ZBTB7C: variants seen among roughly 807,000 people sequenced by gnomAD.
ZBTB7C encodes zinc finger and BTB domain-containing protein 7C.
ZBTB7C carries 8 observed loss-of-function variants against 25.7 expected under a neutral mutation model. That is an observed-to-expected ratio of 0.31 (90% CI 0.18 to 0.56). The LOEUF (loss-of-function observed/expected upper bound fraction) is 0.56. Among genes scored for constraint, ZBTB7C ranks in the 20% least tolerant of loss-of-function variants. The probability of loss-of-function intolerance (pLI) is 0.91; values close to 1 mark genes in which losing one functional copy is unlikely to be tolerated. For missense variants in ZBTB7C, 824 were observed against 855.2 expected (o/e 0.96, Z 0.46); for synonymous variants, 394 against 369.0 (o/e 1.07, Z -0.78).
At chr18:48,283,093 T>C (rs987982474) in intron 2 of ZBTB7C, among the ~76,000 whole-genome samples, 1 of 152,170 alleles carries the variant, frequency 6.6e-6, no homozygotes, top group African/African-American at 2.4e-5. Context: ...GGAATGCAAA[T>C]TAGTAAAGCT....
At chr18:48,336,641 T>G (rs1230686127) in intron 2 of ZBTB7C, among the ~76,000 whole-genome samples, 1 of 152,178 alleles carries the variant, frequency 6.6e-6, no homozygotes, top group African/African-American at 2.4e-5. Flanking sequence ...GAAGAGCGCT[T>G]GACAGACCCA....
chr18:48,232,327 G>A (rs75364447), intron 2 of ZBTB7C, among the ~76,000 whole-genome samples: 2,831 of 152,304 alleles, frequency 0.019, 39 homozygotes, highest in Middle Eastern at 0.078. Context: ...CCTTAAGAGA[G>A]AGCCCAGCTA....
intron 1 of ZBTB7C, among the ~76,000 whole-genome samples, chr18:48,366,676 C>A (rs1215044757): frequency 1.3e-5 from 2 of 152,164 alleles, no homozygotes; most frequent in Non-Finnish European, 2.9e-5. Context: ...AACATAAATG[C>A]ATTTTCAACA....
chr18:48,032,422 GTTTTTTTTT>G (rs71165309), intron 4 of ZBTB7C, among the ~76,000 whole-genome samples: 19 of 65,056 alleles, frequency 2.9e-4, no homozygotes, highest in South Asian at 6.7e-4. Context: ...GACAAGGTAG[GTTTTTTTTT>G]TTTTTTTTTT....
At chr18:48,157,623 G>T (rs143864535) in intron 3 of ZBTB7C, among the ~76,000 whole-genome samples, 1 of 152,172 alleles carries the variant, frequency 6.6e-6, no homozygotes, top group South Asian at 2.1e-4. Context: ...TAACAGCAGG[G>T]ACTCGAAGGC....
intron 3 of ZBTB7C, among the ~76,000 whole-genome samples, chr18:48,177,469 CCT>C (rs1250926761): frequency 2.6e-5 from 4 of 152,206 alleles, no homozygotes; most frequent in Non-Finnish European, 5.9e-5. Context: ...CCCCATCTCT[CCT>C]CTTCCAGGGA....
chr18:48,194,915 G>C (rs1356415762), intron 2 of ZBTB7C, among the ~76,000 whole-genome samples: 1 of 152,118 alleles, frequency 6.6e-6, no homozygotes, highest in Non-Finnish European at 1.5e-5. Context: ...GGCTCAGGCT[G>C]AAGTCATCCC....
At chr18:48,084,482 G>T (rs1212205222) in intron 3 of ZBTB7C, among the ~76,000 whole-genome samples, 2 of 152,160 alleles carry the variant, frequency 1.3e-5, no homozygotes, top group Non-Finnish European at 2.9e-5. Context: ...CAGCTCCTCT[G>T]CTCCTCTGAC....
intron 4 of ZBTB7C, among the ~76,000 whole-genome samples, chr18:48,034,318 A>G (rs918658946): frequency 5.3e-5 from 8 of 152,148 alleles, no homozygotes; most frequent in African/African-American, 1.9e-4. Context: ...TGCATCTTTG[A>G]ACACCTGCAG....
chr18:48,326,636 T>C (rs1168010984), intron 2 of ZBTB7C, among the ~76,000 whole-genome samples: 1 of 151,994 alleles, frequency 6.6e-6, no homozygotes, highest in Non-Finnish European at 1.5e-5. Flanking sequence ...TGCTCTGTAC[T>C]AATATGGAGG....
chr18:48,161,696 G>GCCCGGCCCGGCCCGGGCGCCCCGC (rs1380245365), intron 3 of ZBTB7C, among the ~76,000 whole-genome samples: 3 of 151,300 alleles, frequency 2.0e-5, no homozygotes, highest in African/African-American at 2.4e-5. Context: ...CGGCTGCCCG[G>GCCCGGCCCGGCCCGGGCGCCCCGC]CCCGGCCCGG....
intron 3 of ZBTB7C, among the ~76,000 whole-genome samples, chr18:48,163,384 T>C (rs1027306789): frequency 6.6e-6 from 1 of 152,172 alleles, no homozygotes; most frequent in Non-Finnish European, 1.5e-5. Flanking sequence ...CAACATTTGC[T>C]CTGATCCGTA....
intron 1 of ZBTB7C, among the ~76,000 whole-genome samples, chr18:48,360,356 T>C (rs2047075788): frequency 6.6e-6 from 1 of 152,196 alleles, no homozygotes; most frequent in Non-Finnish European, 1.5e-5. Flanking sequence ...AGACAATGAA[T>C]ATTTCTCAAA....
intron 2 of ZBTB7C, chr18:48,252,819 A>T (rs929740142): frequency 1.3e-5 from 2 of 152,234 alleles, no homozygotes; most frequent in Non-Finnish European, 2.9e-5. Context: ...GTGGGAGGGA[A>T]ATAGAGCACC....
At chr18:48,150,666 A>G (rs1002540724) in intron 3 of ZBTB7C, 1 of 152,074 alleles carries the variant, frequency 6.6e-6, no homozygotes, top group Non-Finnish European at 1.5e-5. Context: ...GGTAAAACAG[A>G]CTATGGCCTT....
chr18:48,389,236 C>CTCTCTCTCGT (rs2047833632), intron 1 of ZBTB7C, among the ~76,000 whole-genome samples: 1 of 62,366 alleles, frequency 1.6e-5, no homozygotes, highest in African/African-American at 7.0e-5. Context: ...CTCTCTCTCT[C>CTCTCTCTCGT]GTGTGTGTGT....
chr18:48,075,948 C>T (rs565945997), intron 3 of ZBTB7C, among the ~76,000 whole-genome samples: 3 of 152,208 alleles, frequency 2.0e-5, no homozygotes, highest in Non-Finnish European at 2.9e-5. Context: ...CCTAAGAGAG[C>T]GCCTCTTGGC....
rs747113694 is a variant in ZBTB7C at position 48,040,427 on chromosome 18, G to A, written c.681C>T (p.Ile227=). ...GHLGVIRDFS[I]ESLLRENLYP... The stretch of plus-strand genomic sequence containing the variant: ...ACAGGTTCTCCCTTAGCAGAGATTC[G>A]ATGGAGAAGTCCCGGATCACCCCCA... Residue 227 remains isoleucine, a synonymous_variant, in exon 4 of 5, where the codon ATC becomes ATT. Transcript: ENST00000590800. 18 of 1,609,206 alleles carry A rather than the reference G, an allele frequency of 1.1e-5. No individual in the cohort carries two copies. In the East Asian group the frequency reaches 2.2e-4, roughly 20 times the overall value.
At chr18:48,128,507 T>C (rs2144758804) in intron 3 of ZBTB7C, among the ~76,000 whole-genome samples, 1 of 152,378 alleles carries the variant, frequency 6.6e-6, no homozygotes, top group African/African-American at 2.4e-5. Flanking sequence ...ACATACACCA[T>C]GGAGTACTAC....
Sources: allele counts gnomAD v4.1 joint callset (sites outside exome capture counted in the v4.1 genomes callset), GRCh38; gene constraint gnomAD v4.1.1; transcripts MANE v1.5; gene names NCBI Gene and HGNC (gene_info 2026-07-23, HGNC 2026-07-21).